The following DPP10 variants were observed in gnomAD, a reference collection of about 807,000 sequenced individuals.
DPP10 encodes the protein dipeptidyl peptidase like 10.
A neutral mutation model predicts 120.9 loss-of-function variants in DPP10; 33 were observed. That is an observed-to-expected ratio of 0.27 (90% CI 0.21 to 0.37). DPP10 has a LOEUF of 0.37. DPP10 is among the 10% of genes least tolerant of loss of function. The probability of loss-of-function intolerance (pLI) is 1.00; values close to 1 mark genes in which losing one functional copy is unlikely to be tolerated. For missense variants in DPP10, 816 were observed against 942.8 expected (o/e 0.87, Z 1.76); for synonymous variants, 337 against 326.1 (o/e 1.03, Z -0.36).
Position 115,056,375 on chromosome 2 carries a change from T to C in DPP10, c.61-252864T>C, listed in dbSNP as rs566226573. On this transcript the variant is annotated intron_variant, in intron 1 of 25. Coordinates refer to ENST00000410059, the MANE Select transcript of DPP10 (RefSeq NM_020868.6). ...GATTATAGGTTCTGAATAGCTTTTT[T>C]TTCTTCTTCTTCTTCTTTCAAGAGA... 3.5e-4 allele frequency among the ~76,000 whole-genome samples: 53 copies of C among 152,108 alleles called. No homozygotes were observed. The East Asian group carries it at 4.6e-3, about 13-fold the overall frequency.
chr2:115,502,060 A>G (rs1225251039), intron 4 of DPP10, among the ~76,000 whole-genome samples: 1 of 152,062 alleles, frequency 6.6e-6, no homozygotes, highest in Admixed American at 6.6e-5. Flanking sequence ...GTTCTATAGT[A>G]AGACATATTA....
chr2:114,800,856 A>T (rs1684131152), intron 1 of DPP10, among the ~76,000 whole-genome samples: 1 of 152,120 alleles, frequency 6.6e-6, no homozygotes, highest in Non-Finnish European at 1.5e-5. Flanking sequence ...TTCCTCAGTG[A>T]CAACCAAGGA....
intron 1 of DPP10, among the ~76,000 whole-genome samples, chr2:115,243,552 A>G (rs1190900801): frequency 6.6e-6 from 1 of 152,152 alleles, no homozygotes; most frequent in East Asian, 1.9e-4. Context: ...GTTATTTGCT[A>G]AAGAGTTTTT....
chr2:114,790,830 C>A (rs1159053650), intron 1 of DPP10, among the ~76,000 whole-genome samples: 1 of 152,190 alleles, frequency 6.6e-6, no homozygotes, highest in East Asian at 1.9e-4. Flanking sequence ...GTATTCACTT[C>A]TTTTGTGATT....
At chr2:114,887,739 T>C (rs1377211916) in intron 1 of DPP10, among the ~76,000 whole-genome samples, 2 of 152,200 alleles carry the variant, frequency 1.3e-5, no homozygotes, top group East Asian at 3.8e-4. Context: ...AGCAGAGGTG[T>C]TGGTGTTAGT....
intron 1 of DPP10, among the ~76,000 whole-genome samples, chr2:114,728,442 G>T (rs1214756179): frequency 6.6e-6 from 1 of 152,098 alleles, no homozygotes; most frequent in Admixed American, 6.5e-5. Context: ...GTTTGTAAAG[G>T]CATGACTCTC....
chr2:114,588,744 C>T (rs921352806), intron 1 of DPP10, among the ~76,000 whole-genome samples: 10 of 151,952 alleles, frequency 6.6e-5, no homozygotes, highest in African/African-American at 1.5e-4. Context: ...CCATTTCAGC[C>T]GAACATCACT....
intron 5 of DPP10, among the ~76,000 whole-genome samples, chr2:115,560,820 C>A (rs2080603396): frequency 6.6e-6 from 1 of 151,984 alleles, no homozygotes; most frequent in Non-Finnish European, 1.5e-5. Context: ...ATTAACTCTT[C>A]CGTACGAAAG....
chr2:114,551,450 GT>G (rs1207430964), intron 1 of DPP10, among the ~76,000 whole-genome samples: 1 of 152,192 alleles, frequency 6.6e-6, no homozygotes, highest in African/African-American at 2.4e-5. Flanking sequence ...TCTCCAAATA[GT>G]AAATACTTGC....
chr2:114,988,920 A>C (rs931676686), intron 1 of DPP10, among the ~76,000 whole-genome samples: 1 of 152,150 alleles, frequency 6.6e-6, no homozygotes, highest in Non-Finnish European at 1.5e-5. Context: ...ATTCGAATGC[A>C]AAGATATTTA....
chr2:115,027,269 G>C (rs962215971), intron 1 of DPP10, among the ~76,000 whole-genome samples: 2 of 152,070 alleles, frequency 1.3e-5, no homozygotes, highest in African/African-American at 4.8e-5. Flanking sequence ...ATAAGATTAA[G>C]TCATCTGCGC....
At chr2:115,277,110 A>G (rs1316834928) in intron 1 of DPP10, among the ~76,000 whole-genome samples, 1 of 152,242 alleles carries the variant, frequency 6.6e-6, no homozygotes, top group Admixed American at 6.5e-5. Context: ...CTTAGATATT[A>G]AGAAAAATCA....
chr2:115,676,381 T>C (rs2090260190), intron 5 of DPP10, among the ~76,000 whole-genome samples: 1 of 152,172 alleles, frequency 6.6e-6, no homozygotes, highest in Non-Finnish European at 1.5e-5. Flanking sequence ...GAAAAAGATC[T>C]TTCCCTATAA....
intron 1 of DPP10, among the ~76,000 whole-genome samples, chr2:115,033,166 A>G (rs1261547694): frequency 2.2e-4 from 34 of 152,186 alleles, no homozygotes; most frequent in Admixed American, 2.2e-3. Context: ...CCCATTTGGC[A>G]GACTTGACAC....
intron 19 of DPP10, among the ~76,000 whole-genome samples, chr2:115,806,104 C>T (rs1196470986): frequency 2.0e-5 from 3 of 152,042 alleles, no homozygotes; most frequent in East Asian, 1.9e-4. Flanking sequence ...ATTTAAAATA[C>T]GTGGTGTAAA....
At chr2:115,030,240 G>A (rs1703745894) in intron 1 of DPP10, among the ~76,000 whole-genome samples, 1 of 151,504 alleles carries the variant, frequency 6.6e-6, no homozygotes. Context: ...AAGAATTGAT[G>A]TTTGATACAT....
At chr2:115,729,513 C>A (rs2092846727) in intron 8 of DPP10, among the ~76,000 whole-genome samples, 1 of 152,190 alleles carries the variant, frequency 6.6e-6, no homozygotes, top group African/African-American at 2.4e-5. Flanking sequence ...AGCCTGTAAT[C>A]TCAGAGCTGT....
chr2:115,009,852 A>T (rs924559889), intron 1 of DPP10, among the ~76,000 whole-genome samples: 3 of 152,210 alleles, frequency 2.0e-5, no homozygotes, highest in Non-Finnish European at 2.9e-5. Context: ...AATTACCATG[A>T]TGTACATTCA....
At chr2:115,410,303 A>C (rs1266939665) in intron 3 of DPP10, among the ~76,000 whole-genome samples, 1 of 152,220 alleles carries the variant, frequency 6.6e-6, no homozygotes, top group East Asian at 1.9e-4. Context: ...TGCACCCATA[A>C]AAAGGAATGA....
Sources: allele counts gnomAD v4.1 joint callset (sites outside exome capture counted in the v4.1 genomes callset), GRCh38; gene constraint gnomAD v4.1.1; transcripts MANE v1.5; gene names NCBI Gene and HGNC (gene_info 2026-07-23, HGNC 2026-07-21).